Variants in PTPRG observed in about 807,000 individuals in gnomAD.
The protein encoded by PTPRG is protein tyrosine phosphatase receptor type G.
Under a neutral mutation model 165.3 loss-of-function variants are expected in PTPRG, and 102 were observed. The ratio of observed to expected loss-of-function variants is 0.62; its 90% CI spans 0.53 to 0.73. The LOEUF is 0.73. Ranked by LOEUF, PTPRG falls within the 30% of genes least tolerant of loss-of-function variation. The probability of loss-of-function intolerance (pLI) is 0.00; values close to 1 mark genes in which losing one functional copy is unlikely to be tolerated. For synonymous variants in PTPRG, 675 were observed against 669.5 expected (o/e 1.01, Z -0.13); for missense variants, 1,866 against 1,861.4 (o/e 1.00, Z -0.05).
At chr3:61,783,316 G>T (rs2034599056) in intron 2 of PTPRG, among the ~76,000 whole-genome samples, 2 of 152,074 alleles carry the variant, frequency 1.3e-5, no homozygotes, top group Admixed American at 6.5e-5. Context: ...CTCCAACCTG[G>T]GTGACAGAGT....
chr3:61,904,014 C>A (rs1396956778), intron 2 of PTPRG, among the ~76,000 whole-genome samples: 4 of 152,116 alleles, frequency 2.6e-5, no homozygotes, highest in African/African-American at 9.7e-5. Context: ...GGAAGAGATG[C>A]TTCTGTAAAT....
chr3:62,139,121 G>A (rs1217279528), intron 6 of PTPRG, among the ~76,000 whole-genome samples: 1 of 152,150 alleles, frequency 6.6e-6, no homozygotes, highest in East Asian at 1.9e-4. Context: ...TTAGTGAGGT[G>A]TAATAGGTTT....
rs1345064339 is a variant in PTPRG at position 62,191,560 on chromosome 3, C to A, written c.1125C>A (p.His375Gln). 6 of 1,613,990 alleles carry A rather than the reference C, an allele frequency of 3.7e-6. No homozygotes were observed. The African/African-American group carries it at 5.3e-5, about 14-fold the overall frequency. ...GGAGCCAGCCGGAGACTATCTACCA[C>A]CCACCCATCATGAACTACATGATCT... is the stretch of plus-strand genomic sequence containing the variant. ...VSWSQPETIY[H>Q]PPIMNYMISY... The change falls in exon 9 of 30, where the codon CAC (histidine) becomes CAA (glutamine). Residue 375 changes from histidine (H) to glutamine (Q), a missense_variant. Transcript: ENST00000474889.
intron 1 of PTPRG, among the ~76,000 whole-genome samples, chr3:61,577,511 G>GAA (rs1293803166): frequency 1.3e-5 from 2 of 152,066 alleles, no homozygotes; most frequent in Non-Finnish European, 2.9e-5. Flanking sequence ...AATGAAAAAA[G>GAA]AATGTGAAAT....
chr3:62,081,518 AT>A (rs532593280), intron 5 of PTPRG, among the ~76,000 whole-genome samples: 185 of 151,838 alleles, frequency 1.2e-3, no homozygotes, highest in Non-Finnish European at 2.5e-3. Flanking sequence ...TAATTTTCTT[AT>A]TTTTTTGTAG....
chr3:61,928,822 T>C (rs2039289032), intron 2 of PTPRG, among the ~76,000 whole-genome samples: 1 of 152,228 alleles, frequency 6.6e-6, no homozygotes, highest in South Asian at 2.1e-4. Context: ...TGACAGTCTA[T>C]AGATGTAATA....
At chr3:62,090,858 G>A (rs1186614247) in intron 5 of PTPRG, among the ~76,000 whole-genome samples, 1 of 152,082 alleles carries the variant, frequency 6.6e-6, no homozygotes, top group East Asian at 1.9e-4. Flanking sequence ...GGAGTGAGGC[G>A]TCTATGTATA....
chr3:61,794,374 C>T (rs1469193728), intron 2 of PTPRG, among the ~76,000 whole-genome samples: 2 of 152,010 alleles, frequency 1.3e-5, no homozygotes, highest in African/African-American at 4.8e-5. Context: ...GTTTTCCCTC[C>T]ATATATTTTC....
At chr3:61,934,304 A>C (rs1403874307) in intron 2 of PTPRG, among the ~76,000 whole-genome samples, 1 of 152,168 alleles carries the variant, frequency 6.6e-6, no homozygotes, top group African/African-American at 2.4e-5. Context: ...AGTAATCTGC[A>C]GAGTGGATTA....
intron 2 of PTPRG, among the ~76,000 whole-genome samples, chr3:61,974,915 T>G: frequency 6.6e-6 from 1 of 152,172 alleles, no homozygotes; most frequent in East Asian, 1.9e-4. Context: ...CCTTCAGATT[T>G]GCCTAACATC....
rs559842922 is a variant in PTPRG at position 62,043,264 on chromosome 3, G to A, written c.520-34899G>A. Among the ~76,000 whole-genome samples the A allele has an allele frequency of 2.0e-5, 3 of 152,198 alleles. No individual in the cohort carries two copies. In the South Asian group the frequency reaches 6.2e-4, roughly 32 times the overall value. ...TCAACTCTATAGATACACCTTTAGT[G>A]CTTTGTTCTCTAAAACATAATTTTG... On this transcript the variant is annotated intron_variant, in intron 4 of 29. Transcript: ENST00000474889.
intron 1 of PTPRG, among the ~76,000 whole-genome samples, chr3:61,641,974 A>AC (rs1347802096): frequency 6.6e-6 from 1 of 151,840 alleles, no homozygotes; most frequent in African/African-American, 2.4e-5. Flanking sequence ...TATGGAGGGC[A>AC]CCCCCCAGCC....
chr3:61,718,217 A>G (rs2031898259), intron 1 of PTPRG, among the ~76,000 whole-genome samples: 1 of 151,368 alleles, frequency 6.6e-6, no homozygotes, highest in Admixed American at 6.6e-5. Context: ...AAAAACCAAA[A>G]AAAAAAAAAA....
chr3:61,766,028 G>A (rs952860924), intron 2 of PTPRG, among the ~76,000 whole-genome samples: 25 of 152,134 alleles, frequency 1.6e-4, no homozygotes, highest in Non-Finnish European at 2.9e-4. Flanking sequence ...GGCCACTGAC[G>A]TTGTAGGTTA....
At chr3:61,568,833 A>C (rs1699989463) in intron 1 of PTPRG, among the ~76,000 whole-genome samples, 1 of 151,654 alleles carries the variant, frequency 6.6e-6, no homozygotes, top group Admixed American at 6.6e-5. Flanking sequence ...GCTTGAACCC[A>C]GGAGGCAGAG....
chr3:62,061,786 AC>A (rs35507249), intron 4 of PTPRG, among the ~76,000 whole-genome samples: 99,644 of 150,996 alleles, frequency 0.66, 34,203 homozygotes, highest in South Asian at 0.86. Flanking sequence ...CCGCCACCAC[AC>A]CCCAGTTAAT....
At chr3:61,970,412 T>C (rs1277552090) in intron 2 of PTPRG, among the ~76,000 whole-genome samples, 1 of 152,204 alleles carries the variant, frequency 6.6e-6, no homozygotes, top group Non-Finnish European at 1.5e-5. Context: ...AAAACACAGT[T>C]GCCTTATTTT....
intron 1 of PTPRG, among the ~76,000 whole-genome samples, chr3:61,568,813 C>T (rs1011187493): frequency 2.6e-5 from 4 of 151,188 alleles, no homozygotes; most frequent in Admixed American, 1.3e-4. Flanking sequence ...GAGGCTGAGG[C>T]GGGAGAATTG....
At chr3:61,811,674 C>G (rs1026432984) in intron 2 of PTPRG, among the ~76,000 whole-genome samples, 1 of 152,130 alleles carries the variant, frequency 6.6e-6, no homozygotes, top group African/African-American at 2.4e-5. Context: ...CTTTCATATC[C>G]TGATTAACAA....
Sources: allele counts gnomAD v4.1 joint callset (sites outside exome capture counted in the v4.1 genomes callset), GRCh38; gene constraint gnomAD v4.1.1; transcripts MANE v1.5; gene names NCBI Gene and HGNC (gene_info 2026-07-23, HGNC 2026-07-21).